Variants in TCTN3 observed in about 807,000 individuals in gnomAD.
TCTN3 encodes tectonic family member 3.
In TCTN3, 57 loss-of-function variants were observed where a neutral mutation model predicts 71.3. The observed-to-expected ratio is 0.80, with a 90% CI of 0.65 to 1.00. The LOEUF is 1.00. Ranked by LOEUF, TCTN3 falls within the 50% of genes least tolerant of loss-of-function variation. The probability of loss-of-function intolerance (pLI) is 0.00; values close to 1 mark genes in which losing one functional copy is unlikely to be tolerated. For missense variants in TCTN3, 696 were observed against 719.9 expected, an observed-to-expected ratio of 0.97 and a Z score of 0.38; for synonymous variants, 258 against 267.8, an observed-to-expected ratio of 0.96 and a Z score of 0.36.
intron 13 of TCTN3, among the ~76,000 whole-genome samples, chr10:95,668,814 TAC>T (rs1236460159): frequency 3.3e-5 from 5 of 152,202 alleles, no homozygotes; most frequent in African/African-American, 1.2e-4. Context: ...TAGTCCACAC[TAC>T]ATCAGGTTAT....
chr10:95,685,474 C>G, intron 8 of TCTN3, 82 bp downstream of exon 8: 1 of 1,170,694 alleles, frequency 8.5e-7, no homozygotes, highest in South Asian at 1.4e-5. Flanking sequence ...TTGGGTCAGT[C>G]TGATACTTAA....
At chr10:95,690,663 C>A (rs2097952675) in intron 3 of TCTN3, among the ~76,000 whole-genome samples, 1 of 152,158 alleles carries the variant, frequency 6.6e-6, no homozygotes, top group Admixed American at 6.5e-5. Flanking sequence ...GCCAGGAACA[C>A]TAAGTTGGAT....
In TCTN3 at chr10:95,682,419, G is replaced by A. The variant is rs141293370; in HGVS notation, c.1452+232C>T. On this transcript the variant is annotated intron_variant, in intron 12 of 13. Coordinates refer to ENST00000371217, the MANE Select transcript of TCTN3 (RefSeq NM_015631.6). ...TGAGGCAGGAGAATCCCTTGAACCC[G>A]GGGGGTGGAGGTTGCAGTGAACCGA... Among the ~76,000 whole-genome samples, 5,109 of 151,950 alleles carry A rather than the reference G, an allele frequency of 0.034. 118 individuals carry two copies. Among genetic ancestry groups the A allele is most frequent in the Non-Finnish European group, 0.049 (3,337 of 67,934 alleles).
At position 95,683,188 on chromosome 10, in the gene TCTN3, A is replaced by T; in HGVS notation, c.1211T>A (p.Leu404His). Reference protein sequence around the residue: ...LTDDISYSMTLLQSQGNGSCS... With the variant: ...LTDDISYSMTHLQSQGNGSCS... ...ACTTCCATTACCCTGGCTCTGTAAG[A>T]GGGTCATCCAAGGTGGAAAAGTGAT... The change falls in exon 11 of 14, where the codon CTC becomes CAC. Residue 404 changes from leucine (L) to histidine (H), a missense_variant. Coordinates refer to ENST00000371217, the MANE Select transcript of TCTN3 (RefSeq NM_015631.6). The T allele has an allele frequency of 1.2e-6, 2 of 1,613,770 alleles. No individual in the cohort carries two copies. The highest frequency in any genetic ancestry group is 8.5e-7 in the Non-Finnish European group (1 of 1,179,828).
intron 13 of TCTN3, among the ~76,000 whole-genome samples, chr10:95,677,482 TG>T (rs796171757): frequency 0.058 from 3,196 of 54,992 alleles, 257 homozygotes; most frequent in African/African-American, 0.089. Flanking sequence ...CAGTTTTTTT[TG>T]TTTTTTTTTT....
chr10:95,688,503 T>C (rs911900612), intron 3 of TCTN3, among the ~76,000 whole-genome samples: 2 of 151,198 alleles, frequency 1.3e-5, no homozygotes, highest in East Asian at 3.9e-4. Context: ...ACTATTTCCA[T>C]AGGAACATGG....
rs546476903 is a variant in TCTN3 at position 95,693,041 on chromosome 10, G to A, written c.381-3C>T. On this transcript the variant is annotated splice_polypyrimidine_tract_variant and splice_region_variant and intron_variant, in intron 2 of 13. Transcript: ENST00000371217. ...CTACACAAACCCAGCTTGAAGACCT[G>A]TGAGGAAAGAGGAGGGAGAAGATAT... 3 of 1,602,390 alleles carry A rather than the reference G, an allele frequency of 1.9e-6. No homozygotes were observed. Among genetic ancestry groups the A allele is most frequent in the South Asian group, 2.2e-5 (2 of 90,342 alleles).
intron 13 of TCTN3, among the ~76,000 whole-genome samples, chr10:95,668,571 T>C (rs2139700713): frequency 6.6e-6 from 1 of 152,272 alleles, no homozygotes; most frequent in East Asian, 1.9e-4. Context: ...ATAATGATGA[T>C]GGATGATGAT....
intron 13 of TCTN3, among the ~76,000 whole-genome samples, chr10:95,674,854 T>TG (rs397747047): frequency 5.6e-4 from 86 of 152,214 alleles, no homozygotes; most frequent in Admixed American, 1.4e-3. Flanking sequence ...AATGAATGAA[T>TG]AAATAAAGTG....
Position 95,679,683 on chromosome 10 carries a change from T to C in TCTN3, c.1590+789A>G, listed in dbSNP as rs376426113. 4.2e-3 allele frequency among the ~76,000 whole-genome samples: 609 copies of C among 143,856 alleles called. 2 individuals are homozygous for C. Among genetic ancestry groups the C allele is most frequent in the Middle Eastern group, 0.022 (6 of 276 alleles). The allele number at this position is 143,856 out of a possible 152,430, so 94.4% of individuals were successfully genotyped here. On this transcript the variant is annotated intron_variant, in intron 13 of 13. Coordinates refer to ENST00000371217, the MANE Select transcript of TCTN3 (RefSeq NM_015631.6). ...CTCGGCTCACTGCAAGCTCCGCCTC[T>C]CGGGTTCACGCCATTCTCCTGCCTC...
chr10:95,693,154 G>A (rs763528069), intron 2 of TCTN3, 116 bp from the exon 3 acceptor site: 1 of 1,188,012 alleles, frequency 8.4e-7, no homozygotes, highest in Non-Finnish European at 1.2e-6. Context: ...GGCACCTATA[G>A]GACGACACGA....
At chr10:95,674,467 T>A (rs1192963074) in intron 13 of TCTN3, among the ~76,000 whole-genome samples, 1 of 152,144 alleles carries the variant, frequency 6.6e-6, no homozygotes, top group Admixed American at 6.5e-5. Context: ...CTATATTTTA[T>A]CTATACACAC....
At chr10:95,689,031 G>A (rs565559300) in intron 3 of TCTN3, among the ~76,000 whole-genome samples, 1 of 152,258 alleles carries the variant, frequency 6.6e-6, no homozygotes, top group Admixed American at 6.5e-5. Context: ...AGGATTCCAC[G>A]TTAAATGAAC....
Position 95,687,584 on chromosome 10 carries a change from A to G in TCTN3, c.627+8T>C, listed in dbSNP as rs1308800582. On this transcript the variant is annotated splice_region_variant and intron_variant, in intron 4 of 13. Coordinates refer to ENST00000371217, the MANE Select transcript of TCTN3 (RefSeq NM_015631.6). Reference sequence around the variant, plus strand: ...ACCAAACAATCCCATCCCCTTCCCCAGGCTCACCCTGTAAAAAGATGGTGG... The same window carrying G: ...ACCAAACAATCCCATCCCCTTCCCCGGGCTCACCCTGTAAAAAGATGGTGG... 7 of 1,610,984 alleles carry G rather than the reference A, an allele frequency of 4.3e-6. No homozygotes were observed. The highest frequency in any genetic ancestry group is 5.9e-6 in the Non-Finnish European group (7 of 1,179,194).
chr10:95,673,240 G>A (rs1453287645), intron 13 of TCTN3, among the ~76,000 whole-genome samples: 1 of 151,672 alleles, frequency 6.6e-6, no homozygotes, highest in Non-Finnish European at 1.5e-5. Flanking sequence ...TTTGTTTCTT[G>A]TCTAAGAAAT....
chr10:95,689,876 C>T (rs1023339010), intron 3 of TCTN3, among the ~76,000 whole-genome samples: 5 of 152,214 alleles, frequency 3.3e-5, no homozygotes, highest in Non-Finnish European at 7.3e-5. Context: ...CTTGCAGAGC[C>T]AAGAGTAGAT....
At chr10:95,678,948 C>G (rs1275878590) in intron 13 of TCTN3, among the ~76,000 whole-genome samples, 2 of 152,132 alleles carry the variant, frequency 1.3e-5, no homozygotes, top group Non-Finnish European at 2.9e-5. Context: ...TCAAATCACA[C>G]TTAGTAAAGG....
chr10:95,679,094 T>C (rs941988492), intron 13 of TCTN3, among the ~76,000 whole-genome samples: 23 of 152,214 alleles, frequency 1.5e-4, no homozygotes, highest in African/African-American at 5.5e-4. Context: ...CTCGCCCACT[T>C]AGGCCAGTTA....
intron 13 of TCTN3, among the ~76,000 whole-genome samples, chr10:95,676,254 C>CT (rs199882523): frequency 0.016 from 2,143 of 136,272 alleles, 36 homozygotes; most frequent in African/African-American, 0.043. Flanking sequence ...TAGAAAATAT[C>CT]TTTTTTTTTT....
Sources: gnomAD v4.1 joint callset for allele counts (sites outside exome capture counted in the v4.1 genomes callset) on GRCh38, gnomAD v4.1.1 for gene constraint, MANE v1.5 for transcripts, NCBI Gene and HGNC (gene_info 2026-07-23, HGNC 2026-07-21) for gene names.